Variants in POU6F2 observed in about 807,000 individuals in gnomAD.
POU6F2 encodes POU class 6 homeobox 2.
Under a neutral mutation model 71.3 loss-of-function variants are expected in POU6F2, and 31 were observed. The observed-to-expected ratio is 0.43, with a 90% CI of 0.33 to 0.59. POU6F2 has a LOEUF of 0.59. POU6F2 is among the 20% of genes least tolerant of loss of function. POU6F2 has a pLI of 0.04. For synonymous variants in POU6F2, 347 were observed against 355.7 expected (o/e 0.98, Z 0.27); for missense variants, 783 against 856.8 (o/e 0.91, Z 1.07).
intron 1 of POU6F2, among the ~76,000 whole-genome samples, chr7:39,036,872 GTTA>G (rs113776913): frequency 0.88 from 130,171 of 147,444 alleles, 57,490 homozygotes; most frequent in East Asian, 0.99. Flanking sequence ...AAGAGTACCT[GTTA>G]TTATTATTAT....
chr7:39,011,882 C>G (rs1453861867), intron 1 of POU6F2, among the ~76,000 whole-genome samples: 2 of 151,428 alleles, frequency 1.3e-5, no homozygotes, highest in Non-Finnish European at 3.0e-5. Flanking sequence ...AGGGTTTCTG[C>G]CGAGAGATCC....
chr7:39,217,635 A>G (rs772619584), intron 4 of POU6F2, among the ~76,000 whole-genome samples: 2 of 152,220 alleles, frequency 1.3e-5, no homozygotes, highest in Non-Finnish European at 2.9e-5. Context: ...TACCTAGTGC[A>G]TAAATTCATA....
chr7:39,228,475 A>G (rs1794514339), intron 4 of POU6F2, among the ~76,000 whole-genome samples: 1 of 152,162 alleles, frequency 6.6e-6, no homozygotes, highest in Non-Finnish European at 1.5e-5. Flanking sequence ...TTAAGCAACC[A>G]TTTGACATCC....
intron 4 of POU6F2, among the ~76,000 whole-genome samples, chr7:39,297,448 A>G (rs1256130036): frequency 6.6e-6 from 1 of 152,222 alleles, no homozygotes; most frequent in Non-Finnish European, 1.5e-5. Flanking sequence ...GGTTAAGTGT[A>G]TAGTTGCCTC....
chr7:39,169,548 T>C (rs1793175055), intron 2 of POU6F2, among the ~76,000 whole-genome samples: 1 of 152,240 alleles, frequency 6.6e-6, no homozygotes, highest in South Asian at 2.1e-4. Context: ...TTTAAAACTC[T>C]CAATTGTAAA....
chr7:39,450,605 C>T (rs917240949), intron 7 of POU6F2, among the ~76,000 whole-genome samples: 3 of 152,148 alleles, frequency 2.0e-5, no homozygotes, highest in African/African-American at 7.2e-5. Flanking sequence ...CTTTGATAAC[C>T]TGTAGAGGAA....
At chr7:39,278,460 A>G (rs1483349539) in intron 4 of POU6F2, among the ~76,000 whole-genome samples, 3 of 152,136 alleles carry the variant, frequency 2.0e-5, no homozygotes, top group Admixed American at 1.3e-4. Context: ...GTTCTTCATG[A>G]AAAAAGCCCA....
rs138647107 is a variant in POU6F2, at chr7:39,352,251, C to T, written c.972+12236C>T. Among the ~76,000 whole-genome samples, 698 of 152,272 alleles carry T rather than the reference C, an allele frequency of 4.6e-3. 5 individuals carry two copies. Among genetic ancestry groups the T allele is most frequent in the African/African-American group, 0.014 (584 of 41,546 alleles). Reference sequence around the variant, plus strand: ...AGAGCTGAGATAGCTAACAGAAACCCTGTGAGAAGTCAGAGGGTCTTATGA... The same window carrying T: ...AGAGCTGAGATAGCTAACAGAAACCTTGTGAGAAGTCAGAGGGTCTTATGA... On this transcript the variant is annotated intron_variant, in intron 5 of 9. Coordinates refer to ENST00000518318, the MANE Select transcript of POU6F2 (RefSeq NM_001370959.1).
chr7:39,282,103 G>A (rs113544465), intron 4 of POU6F2, among the ~76,000 whole-genome samples: 27 of 152,112 alleles, frequency 1.8e-4, no homozygotes, highest in African/African-American at 5.5e-4. Context: ...AGAAATGTCT[G>A]TTTGGCATTT....
intron 2 of POU6F2, among the ~76,000 whole-genome samples, chr7:39,176,785 G>A (rs920663707): frequency 1.4e-4 from 22 of 152,252 alleles, no homozygotes; most frequent in African/African-American, 5.1e-4. Context: ...TCCAAATACC[G>A]TGAAAACATC....
intron 1 of POU6F2, among the ~76,000 whole-genome samples, chr7:39,048,654 G>T (rs559765282): frequency 6.6e-6 from 1 of 152,012 alleles, no homozygotes. Flanking sequence ...ACATACATGT[G>T]CATGTCTTTT....
chr7:39,152,979 C>T (rs1412376330), intron 2 of POU6F2, among the ~76,000 whole-genome samples: 1 of 152,114 alleles, frequency 6.6e-6, no homozygotes, highest in African/African-American at 2.4e-5. Context: ...CTGCCTGTCA[C>T]TTTGGGTAAG....
chr7:39,230,323 T>TA lies in POU6F2; in HGVS notation c.598+22714dup, dbSNP rs879298536. On this transcript the variant is annotated intron_variant, in intron 4 of 9. Coordinates refer to ENST00000518318, the MANE Select transcript of POU6F2 (RefSeq NM_001370959.1). ...GTGAGACCCTGTCTCTACCAAAAATTAAAAAAAAAAATTTAGCTGGGTGTA... is the reference window on the plus strand; with the variant it reads ...GTGAGACCCTGTCTCTACCAAAAATTAAAAAAAAAAAATTTAGCTGGGTGTA... Among the ~76,000 whole-genome samples the TA allele has an allele frequency of 4.9e-3, 728 of 148,310 alleles. 4 individuals are homozygous for TA. Among genetic ancestry groups the TA allele is most frequent in the South Asian group, 0.021 (97 of 4,674 alleles).
At position 39,451,670 on chromosome 7, in the gene POU6F2, T is replaced by C. The variant is rs1440572521; in HGVS notation, c.1458T>C (p.Ser486=). Residue 486 remains serine, a synonymous_variant, in exon 8 of 10, where the codon TCT becomes TCC. Transcript: ENST00000518318. ...ASSSSSSSSS[S]SALSVGQLVS... ...CTTCTTCCTCCTCATCCTCCTCTTC[T>C]TCAGCTTTGAGCGTGGGCCAGTTAG... 6.2e-7 allele frequency: 1 copy of C among 1,607,382 alleles called. No individual in the cohort carries two copies. Among genetic ancestry groups the C allele is most frequent in the Non-Finnish European group, 8.5e-7 (1 of 1,176,912 alleles).
chr7:39,308,681 G>A lies in POU6F2; in HGVS notation c.599-30961G>A, dbSNP rs73382994. Among the ~76,000 whole-genome samples the A allele has an allele frequency of 7.0e-3, 1,073 of 152,234 alleles. 7 individuals carry two copies. Among genetic ancestry groups the A allele is most frequent in the African/African-American group, 0.025 (1,020 of 41,530 alleles). The stretch of plus-strand genomic sequence containing the variant: ...TCATACCAGGCAGAAGAAGTAGAAC[G>A]TCATCCAGCTCAGACTGGAGGCCAT... On this transcript the variant is annotated intron_variant, in intron 4 of 9. Transcript: ENST00000518318.
chr7:39,074,289 G>A (rs371971308), intron 1 of POU6F2, among the ~76,000 whole-genome samples: 1 of 152,210 alleles, frequency 6.6e-6, no homozygotes, highest in East Asian at 1.9e-4. Context: ...TTCGAGACCT[G>A]TCTGGCCAAC....
Position 39,406,627 on chromosome 7 carries a change from G to T in POU6F2, c.1000G>T (p.Ala334Ser). The T allele has an allele frequency of 1.2e-6, 2 of 1,612,820 alleles. No individual in the cohort carries two copies. The highest frequency in any genetic ancestry group is 1.7e-6 in the Non-Finnish European group (2 of 1,179,776). The change falls in exon 6 of 10, where the codon GCT (alanine) becomes TCT (serine). Residue 334 changes from alanine to serine, a missense_variant. Transcript: ENST00000518318. ...QLVNNPLASQ[A>S]AAAAAAMSSI... ...GGTTAATAATCCACTAGCAAGTCAG[G>T]CTGCAGCGGCTGCAGCAGCCATGAG... is the stretch of plus-strand genomic sequence containing the variant.
intron 5 of POU6F2, among the ~76,000 whole-genome samples, chr7:39,398,816 CTTA>C (rs1412325866): frequency 1.3e-5 from 2 of 152,172 alleles, no homozygotes; most frequent in African/African-American, 4.8e-5. Flanking sequence ...TTATATGGGG[CTTA>C]TTATATGGCA....
chr7:39,379,407 G>A (rs1031034939), intron 5 of POU6F2, among the ~76,000 whole-genome samples: 7 of 152,168 alleles, frequency 4.6e-5, no homozygotes, highest in Admixed American at 3.9e-4. Flanking sequence ...CATGTACTCA[G>A]CTAGCCACTT....
Sources: allele counts gnomAD v4.1 joint callset (sites outside exome capture counted in the v4.1 genomes callset), GRCh38; gene constraint gnomAD v4.1.1; transcripts MANE v1.5; gene names NCBI Gene and HGNC (gene_info 2026-07-23, HGNC 2026-07-21).